The following STK3 variants were observed in gnomAD, a reference collection of about 807,000 sequenced individuals.
STK3 encodes serine/threonine-protein kinase 3.
A neutral mutation model predicts 58.0 loss-of-function variants in STK3; 41 were observed. The observed-to-expected ratio is 0.71, with a 90% confidence interval of 0.55 to 0.92. The LOEUF is 0.92. Among genes scored for constraint, STK3 ranks in the 40% least tolerant of loss-of-function variants. The pLI is 0.00. For synonymous variants in STK3, 170 were observed against 191.0 expected, an observed-to-expected ratio of 0.89 and a Z score of 0.91; for missense variants, 479 against 602.7, an observed-to-expected ratio of 0.79 and a Z score of 2.15.
intron 6 of STK3, among the ~76,000 whole-genome samples, chr8:98,634,160 A>G (rs1160362401): frequency 6.6e-6 from 1 of 152,110 alleles, no homozygotes; most frequent in Non-Finnish European, 1.5e-5. Context: ...GACAGGAAGG[A>G]GGGAAGGAAA....
At chr8:98,405,526 A>G (rs1817985409) in intron 3 of STK3, among the ~76,000 whole-genome samples, 1 of 152,142 alleles carries the variant, frequency 6.6e-6, no homozygotes, top group Non-Finnish European at 1.5e-5. Flanking sequence ...GTGGAATGTA[A>G]CTTAATTGGA....
chr8:98,596,413 T>C (rs1178955105), intron 6 of STK3: 1 of 338,984 alleles, frequency 2.9e-6, no homozygotes, highest in Non-Finnish European at 5.4e-6. Flanking sequence ...ATTTTACCTA[T>C]TACTTTTTTT....
intron 6 of STK3, among the ~76,000 whole-genome samples, chr8:98,691,849 T>C (rs1172354554): frequency 2.0e-5 from 3 of 151,596 alleles, no homozygotes; most frequent in Non-Finnish European, 4.4e-5. Flanking sequence ...GGAGAATCGC[T>C]TGAACCTGGG....
chr8:98,726,098 G>A (rs939602180), intron 4 of STK3, among the ~76,000 whole-genome samples: 2 of 152,134 alleles, frequency 1.3e-5, no homozygotes, highest in African/African-American at 4.8e-5. Context: ...CTACAGATCT[G>A]GCAATGACAG....
At chr8:98,889,523 AC>A (rs543453058) in intron 1 of STK3, among the ~76,000 whole-genome samples, 79 of 152,290 alleles carry the variant, frequency 5.2e-4, no homozygotes, top group African/African-American at 1.8e-3. Context: ...AAATGTGACA[AC>A]CTTTTGACAT....
At chr8:98,852,264 A>G (rs1054167623) in intron 3 of STK3, among the ~76,000 whole-genome samples, 6 of 151,926 alleles carry the variant, frequency 3.9e-5, no homozygotes, top group African/African-American at 1.5e-4. Context: ...CCTCCCGAGC[A>G]GCTGGGATTA....
chr8:98,856,420 G>C (rs78840074), intron 3 of STK3, among the ~76,000 whole-genome samples: 3,645 of 151,932 alleles, frequency 0.024, 134 homozygotes, highest in African/African-American at 0.082. Context: ...CCAAGAAAGA[G>C]ATACAAATAA....
chr8:98,595,943 A>C, intron 7 of STK3, 89 bp downstream of exon 7: 3 of 1,415,322 alleles, frequency 2.1e-6, no homozygotes, highest in Non-Finnish European at 2.9e-6. Flanking sequence ...TTTAGAAATC[A>C]GTTATGAAAC....
chr8:98,723,059 A>T (rs1827552085), intron 4 of STK3: 1 of 328,034 alleles, frequency 3.0e-6, no homozygotes, highest in Non-Finnish European at 6.0e-6. Flanking sequence ...GGATTTAATT[A>T]GGTTATCCTC....
chr8:98,465,148 A>G (rs999485077), intron 10 of STK3, among the ~76,000 whole-genome samples: 3 of 152,184 alleles, frequency 2.0e-5, no homozygotes, highest in Admixed American at 6.5e-5. Flanking sequence ...ACACTAAGTC[A>G]TTGAAGCCTA....
At chr8:98,362,555 A>G in the STK3 span, among the ~76,000 whole-genome samples, 1 of 152,160 alleles carries the variant, frequency 6.6e-6, no homozygotes, top group African/African-American at 2.4e-5. Context: ...CTTTTCCCTG[A>G]AGTCAAATCT....
chr8:98,905,009 G>A, intron 1 of STK3: 3 of 782,922 alleles, frequency 3.8e-6, no homozygotes, highest in East Asian at 5.3e-5. Context: ...TATAGTAGTG[G>A]AGTGCTGCAT....
intron 7 of STK3, among the ~76,000 whole-genome samples, chr8:98,582,840 A>AT (rs1404620533): frequency 6.6e-6 from 1 of 152,080 alleles, no homozygotes; most frequent in Non-Finnish European, 1.5e-5. Flanking sequence ...GATGATGTTT[A>AT]TTTTTTGCCT....
At chr8:98,767,478 AT>A in intron 2 of STK3, 107 bp from the exon 3 acceptor site, 1 of 1,011,532 alleles carries the variant, frequency 9.9e-7, no homozygotes, top group Admixed American at 3.6e-5. Context: ...TTAAAACACT[AT>A]TTAAATGATT....
chr8:98,510,514 C>T (rs115750940), intron 10 of STK3, among the ~76,000 whole-genome samples: 65 of 152,040 alleles, frequency 4.3e-4, no homozygotes, highest in African/African-American at 1.5e-3. Context: ...TTCACAGCTG[C>T]TCTCAATGAT....
intron 6 of STK3, among the ~76,000 whole-genome samples, chr8:98,693,890 C>CT (rs896862658): frequency 1.3e-5 from 2 of 152,022 alleles, no homozygotes; most frequent in Non-Finnish European, 2.9e-5. Flanking sequence ...ATGCTTTTCT[C>CT]TTTTTTGGTG....
At chr8:98,735,687 C>T (rs1266686998) in intron 4 of STK3, among the ~76,000 whole-genome samples, 10 of 152,116 alleles carry the variant, frequency 6.6e-5, no homozygotes, top group Admixed American at 6.5e-4. Flanking sequence ...CCATTAATTA[C>T]CACAATTCGT....
chr8:98,589,988 G>A (rs545860747), intron 7 of STK3, among the ~76,000 whole-genome samples: 40 of 152,196 alleles, frequency 2.6e-4, no homozygotes, highest in Middle Eastern at 3.4e-3. Flanking sequence ...ACTGACCTGC[G>A]CCCACTGTCT....
chr8:98,929,140 C>T (rs752147680), intron 1 of STK3, among the ~76,000 whole-genome samples: 5 of 152,280 alleles, frequency 3.3e-5, no homozygotes, highest in East Asian at 1.9e-4. Flanking sequence ...GTGGCAGATG[C>T]CTGTAATCCC....
Sources: gnomAD v4.1 joint callset for allele counts (sites outside exome capture counted in the v4.1 genomes callset) on GRCh38, gnomAD v4.1.1 for gene constraint, MANE v1.5 for transcripts, NCBI Gene and HGNC (gene_info 2026-07-23, HGNC 2026-07-21) for gene names.